NBEA: variants seen among roughly 807,000 people sequenced by gnomAD.
NBEA encodes the protein neurobeachin, also known as lysosomal-trafficking regulator 2.
Under a neutral mutation model 343.4 loss-of-function variants are expected in NBEA, and 44 were observed. That is an observed-to-expected ratio of 0.13 (90% CI 0.10 to 0.16). The LOEUF is 0.16. Ranked by LOEUF, NBEA falls within the 10% of genes least tolerant of loss-of-function variation. The pLI, the probability that NBEA is intolerant of heterozygous loss-of-function variation, is 1.00. For missense variants in NBEA, 2,555 were observed against 3,631.3 expected, an observed-to-expected ratio of 0.70 and a Z score of 7.62; for synonymous variants, 1,175 against 1,238.7, an observed-to-expected ratio of 0.95 and a Z score of 1.08.
chr13:35,308,484 A>ATG (rs1261151768), intron 35 of NBEA, among the ~76,000 whole-genome samples: 1 of 121,388 alleles, frequency 8.2e-6, no homozygotes, highest in African/African-American at 3.4e-5. Context: ...GTATATATAT[A>ATG]TGTGTATATA....
chr13:34,982,781 T>G (rs2060402293), intron 1 of NBEA, among the ~76,000 whole-genome samples: 1 of 152,196 alleles, frequency 6.6e-6, no homozygotes, highest in Non-Finnish European at 1.5e-5. Context: ...AAGCTCTCAA[T>G]TAAGTCAAGT....
At chr13:35,341,295 A>G (rs1048033371) in intron 36 of NBEA, among the ~76,000 whole-genome samples, 1 of 152,066 alleles carries the variant, frequency 6.6e-6, no homozygotes, top group Non-Finnish European at 1.5e-5. Flanking sequence ...AACTATAACT[A>G]TTAGAAGGAA....
intron 6 of NBEA, among the ~76,000 whole-genome samples, chr13:35,053,364 A>C (rs970282683): frequency 6.6e-6 from 1 of 152,060 alleles, no homozygotes; most frequent in Non-Finnish European, 1.5e-5. Flanking sequence ...TCTGCCTGGA[A>C]TGTTTTTTTA....
At chr13:35,352,012 A>G (rs2040225320) in intron 37 of NBEA, 145 bp from the exon 38 acceptor site, 1 of 424,864 alleles carries the variant, frequency 2.4e-6, no homozygotes, top group African/African-American at 2.0e-5. Context: ...GACTATATGT[A>G]TTCTTTAGAA....
chr13:35,080,281 C>G (rs1236428728), intron 10 of NBEA, among the ~76,000 whole-genome samples: 1 of 152,066 alleles, frequency 6.6e-6, no homozygotes, highest in Non-Finnish European at 1.5e-5. Context: ...GGATCTCTCC[C>G]TTGGTGGCCT....
intron 41 of NBEA, among the ~76,000 whole-genome samples, chr13:35,506,330 T>G (rs1438579684): frequency 6.6e-6 from 1 of 152,150 alleles, no homozygotes; most frequent in Non-Finnish European, 1.5e-5. Context: ...TGGCCTCTCA[T>G]AGAACTGAGA....
intron 31 of NBEA, among the ~76,000 whole-genome samples, chr13:35,204,962 T>C (rs1211813886): frequency 6.6e-6 from 1 of 152,158 alleles, no homozygotes; most frequent in East Asian, 1.9e-4. Context: ...GAAGATTTTA[T>C]AAGAGTTGAA....
chr13:35,204,162 T>C lies in NBEA; in HGVS notation c.5367-4538T>C, dbSNP rs370131202. 1.4e-4 allele frequency among the ~76,000 whole-genome samples: 22 copies of C among 152,254 alleles called. No homozygotes were observed. In the East Asian group the frequency reaches 3.1e-3, roughly 21 times the overall value. ...GTTTCCTGTCAGATCAGTGGTGGCA[T>C]TGGATTCTTCTAGGAGTACAAACCC... On this transcript the variant is annotated intron_variant, in intron 31 of 58. Coordinates refer to ENST00000379939, the MANE Select transcript of NBEA (RefSeq NM_001385012.1).
intron 38 of NBEA, among the ~76,000 whole-genome samples, chr13:35,425,090 G>A (rs1449170122): frequency 3.3e-5 from 5 of 151,830 alleles, no homozygotes; most frequent in African/African-American, 4.8e-5. Flanking sequence ...GATCTTTTCA[G>A]AAAACCAGCT....
chr13:35,579,625 T>C (rs1380303871), intron 45 of NBEA, among the ~76,000 whole-genome samples: 2 of 152,106 alleles, frequency 1.3e-5, no homozygotes, highest in Non-Finnish European at 2.9e-5. Context: ...ACAGTTGTTT[T>C]AAAAACAAAA....
intron 45 of NBEA, among the ~76,000 whole-genome samples, chr13:35,571,157 A>C (rs1390286042): frequency 1.3e-5 from 2 of 152,204 alleles, no homozygotes; most frequent in African/African-American, 4.8e-5. Context: ...TGGTACCCCA[A>C]ATACTTTTTA....
intron 34 of NBEA, among the ~76,000 whole-genome samples, chr13:35,269,165 A>G (rs183431489): frequency 2.0e-3 from 297 of 152,278 alleles, no homozygotes; most frequent in Middle Eastern, 3.4e-3. Context: ...AACTCTTTTT[A>G]TGTAAAAAAT....
chr13:35,074,760 A>G (rs1306232010), intron 10 of NBEA, among the ~76,000 whole-genome samples: 1 of 152,194 alleles, frequency 6.6e-6, no homozygotes, highest in African/African-American at 2.4e-5. Flanking sequence ...TAAAAAGGTT[A>G]CTATAGTGAA....
At chr13:35,243,647 T>A (rs1016545485) in intron 34 of NBEA, among the ~76,000 whole-genome samples, 1 of 151,856 alleles carries the variant, frequency 6.6e-6, no homozygotes, top group African/African-American at 2.4e-5. Flanking sequence ...TTGAAACTGT[T>A]AAATGAGACA....
intron 40 of NBEA, among the ~76,000 whole-genome samples, chr13:35,463,402 C>T (rs1306440248): frequency 6.6e-6 from 1 of 152,050 alleles, no homozygotes; most frequent in Non-Finnish European, 1.5e-5. Flanking sequence ...GCGGGAGGAT[C>T]GCTTAAGCTC....
At position 35,196,314 on chromosome 13, in the gene NBEA, A is replaced by G. The variant is rs763294029; in HGVS notation, c.5366+12A>G. On this transcript the variant is annotated intron_variant, in intron 31 of 58. Coordinates refer to ENST00000379939, the MANE Select transcript of NBEA (RefSeq NM_001385012.1). Reference sequence around the variant, plus strand: ...CATTCCTTTGACAGGTAGGTACTGAACTTATTATTCACAGGGCTTTATACA... The same window carrying G: ...CATTCCTTTGACAGGTAGGTACTGAGCTTATTATTCACAGGGCTTTATACA... 2 of 1,593,426 alleles carry G rather than the reference A, an allele frequency of 1.3e-6. No individual in the cohort carries two copies. The highest frequency in any genetic ancestry group is 1.8e-5 in the Admixed American group (1 of 56,594).
chr13:35,618,664 G>A (rs2082845588), intron 48 of NBEA, among the ~76,000 whole-genome samples: 1 of 152,152 alleles, frequency 6.6e-6, no homozygotes, highest in Non-Finnish European at 1.5e-5. Context: ...TCCACATGAA[G>A]CTAGGCTTAT....
rs2063375299 is a variant in NBEA at position 35,059,253 on chromosome 13, A to G, written c.1239+390A>G. Among the ~76,000 whole-genome samples the G allele has an allele frequency of 2.0e-5, 3 of 152,102 alleles. No homozygotes were observed. In the South Asian group the frequency reaches 6.2e-4, roughly 32 times the overall value. On this transcript the variant is annotated intron_variant, in intron 8 of 58. Transcript: ENST00000379939. ...GAGTTAAAGATTTAGAAGGAAACTA[A>G]GATAATATATTTCATGGGCCTAAAA...
intron 34 of NBEA, among the ~76,000 whole-genome samples, chr13:35,243,234 A>G (rs535480648): frequency 6.6e-6 from 1 of 152,018 alleles, no homozygotes; most frequent in African/African-American, 2.4e-5. Flanking sequence ...AAGATGTTTT[A>G]TGTAATCCAC....
Sources: allele counts gnomAD v4.1 joint callset (sites outside exome capture counted in the v4.1 genomes callset), GRCh38; gene constraint gnomAD v4.1.1; transcripts MANE v1.5; gene names NCBI Gene and HGNC (gene_info 2026-07-23, HGNC 2026-07-21).